Variants in NEK10 observed in about 807,000 individuals in gnomAD.
NEK10 encodes serine/threonine-protein kinase Nek10.
A neutral mutation model predicts 159.8 loss-of-function variants in NEK10; 122 were observed. The observed-to-expected ratio is 0.76, with a 90% CI of 0.66 to 0.89. The LOEUF (loss-of-function observed/expected upper bound fraction) is 0.89. Ranked by LOEUF, NEK10 falls within the 40% of genes least tolerant of loss-of-function variation. The pLI, the probability that NEK10 is intolerant of heterozygous loss-of-function variation, is 0.00. For synonymous variants in NEK10, 466 were observed against 457.1 expected (o/e 1.02, Z -0.25); for missense variants, 1,342 against 1,323.1 (o/e 1.01, Z -0.22).
chr3:27,167,009 C>A (rs951826954), intron 29 of NEK10, among the ~76,000 whole-genome samples: 1 of 152,040 alleles, frequency 6.6e-6, no homozygotes, highest in African/African-American at 2.4e-5. Context: ...TACAATTATG[C>A]ATACACTGAT....
chr3:27,293,199 T>G (rs1181630946), intron 16 of NEK10, among the ~76,000 whole-genome samples: 3 of 151,632 alleles, frequency 2.0e-5, no homozygotes, highest in Non-Finnish European at 4.4e-5. Flanking sequence ...TTAAATTCCC[T>G]TTGATTAAAG....
At chr3:27,198,008 G>T (rs1949711696) in intron 25 of NEK10, among the ~76,000 whole-genome samples, 1 of 152,046 alleles carries the variant, frequency 6.6e-6, no homozygotes, top group Non-Finnish European at 1.5e-5. Context: ...CCAAGAGCCA[G>T]ATCAGGCATG....
intron 26 of NEK10, among the ~76,000 whole-genome samples, chr3:27,183,650 T>C (rs943221188): frequency 4.6e-5 from 7 of 152,016 alleles, no homozygotes; most frequent in African/African-American, 1.2e-4. Flanking sequence ...AGGCAAGCCA[T>C]AGACTATACA....
chr3:27,322,958 T>G (rs1290081657), intron 5 of NEK10, among the ~76,000 whole-genome samples: 1 of 152,190 alleles, frequency 6.6e-6, no homozygotes, highest in Non-Finnish European at 1.5e-5. Flanking sequence ...TGAAAATACC[T>G]CACAGTGTCC....
chr3:27,162,463 T>A (rs758311768), intron 30 of NEK10: 1 of 1,614,102 alleles, frequency 6.2e-7, no homozygotes, highest in Non-Finnish European at 8.5e-7. Flanking sequence ...AGTACTACCA[T>A]GATCTTTGAG....
rs144218798 is a variant in NEK10, at chr3:27,215,823, C to T, written c.2091-13266G>A. 495 of 717,500 alleles carry T rather than the reference C, an allele frequency of 6.9e-4. 7 individuals are homozygous for T. In the East Asian group the frequency reaches 0.012, roughly 17 times the overall value. 44.4% of individuals were successfully genotyped at this position (717,500 alleles called of 1,614,324 possible). A position where few individuals can be genotyped will look rare whatever the true frequency, so the allele number is the denominator to read the frequency against. ...TGATAGCAGAAGGCAAAGGAGGAGC[C>T]AGCACGTTTTATGTGGCCAGAGCAG... On this transcript the variant is annotated intron_variant, in intron 23 of 35. Transcript: ENST00000691995.
chr3:27,345,826 T>A (rs551211951), intron 4 of NEK10, among the ~76,000 whole-genome samples: 103 of 152,330 alleles, frequency 6.8e-4, no homozygotes, highest in African/African-American at 2.5e-3. Flanking sequence ...CTGGAACCAC[T>A]TCCTCATTGA....
intron 23 of NEK10, among the ~76,000 whole-genome samples, chr3:27,240,265 C>T (rs527841344): frequency 1.9e-4 from 29 of 152,076 alleles, no homozygotes; most frequent in African/African-American, 6.7e-4. Flanking sequence ...TGAAATTTCT[C>T]ATTATACATC....
intron 26 of NEK10, among the ~76,000 whole-genome samples, chr3:27,190,419 GC>G (rs746323296): frequency 6.6e-6 from 1 of 152,160 alleles, no homozygotes; most frequent in Non-Finnish European, 1.5e-5. Flanking sequence ...GCCCTTAATA[GC>G]TAACTGTTGA....
chr3:27,364,418 G>C (rs1325280701), intron 1 of NEK10, among the ~76,000 whole-genome samples: 1 of 149,652 alleles, frequency 6.7e-6, no homozygotes. Flanking sequence ...AGTAGAGACG[G>C]GGTTTCACCA....
At chr3:27,228,121 T>C (rs562697780) in intron 23 of NEK10, among the ~76,000 whole-genome samples, 1 of 152,348 alleles carries the variant, frequency 6.6e-6, no homozygotes, top group South Asian at 2.1e-4. Context: ...ATATTAATCA[T>C]TATCTTGCTA....
At chr3:27,251,497 T>C (rs887335503) in intron 23 of NEK10, among the ~76,000 whole-genome samples, 4 of 152,276 alleles carry the variant, frequency 2.6e-5, no homozygotes, top group Non-Finnish European at 5.9e-5. Flanking sequence ...ACTTCCCCTC[T>C]CCTGCTCCTG....
intron 23 of NEK10, among the ~76,000 whole-genome samples, chr3:27,214,204 T>A (rs1159668970): frequency 6.6e-6 from 1 of 152,228 alleles, no homozygotes; most frequent in African/African-American, 2.4e-5. Context: ...ATACCTTACG[T>A]ATGTTGATTG....
At chr3:27,312,759 A>G (rs1462927690) in intron 7 of NEK10, among the ~76,000 whole-genome samples, 1 of 152,188 alleles carries the variant, frequency 6.6e-6, no homozygotes, top group Non-Finnish European at 1.5e-5. Context: ...AATGGATAAG[A>G]AGATGCTTTG....
chr3:27,324,850 C>T (rs1371974177), intron 5 of NEK10, among the ~76,000 whole-genome samples: 3 of 152,192 alleles, frequency 2.0e-5, no homozygotes, highest in East Asian at 3.9e-4. Flanking sequence ...CTCCCCATTA[C>T]ACCTCTGGCC....
chr3:27,329,973 A>G (rs2046281847), intron 5 of NEK10, among the ~76,000 whole-genome samples: 1 of 152,222 alleles, frequency 6.6e-6, no homozygotes, highest in Non-Finnish European at 1.5e-5. Context: ...ACCTACACAT[A>G]TTCTCACATG....
In NEK10 at chr3:27,295,621, G is replaced by A; in HGVS notation, c.1300C>T (p.Leu434=). Residue 434 remains leucine, a synonymous_variant, in exon 15 of 36, where the codon CTA becomes TTA. Transcript: ENST00000691995. ...AGAGACATGTTTATTACCTGTAATA[G>A]ATTACTTTTTGCTGCATTCTTTTGC... ...NKQKNAAKSN[L]LQCYAFRALR... The A allele has an allele frequency of 6.4e-7, 1 of 1,562,666 alleles. No individual in the cohort carries two copies. The highest frequency in any genetic ancestry group is 8.7e-7 in the Non-Finnish European group (1 of 1,151,074).
intron 23 of NEK10, among the ~76,000 whole-genome samples, chr3:27,209,166 A>G (rs1442982622): frequency 6.6e-6 from 1 of 152,266 alleles, no homozygotes; most frequent in South Asian, 2.1e-4. Flanking sequence ...GTTGAAAAAT[A>G]TGCTAAAAAA....
intron 25 of NEK10, among the ~76,000 whole-genome samples, chr3:27,199,114 G>C (rs923446238): frequency 6.6e-6 from 1 of 151,162 alleles, no homozygotes; most frequent in African/African-American, 2.4e-5. Flanking sequence ...TGACAAGTGG[G>C]ATTTAATTAA....
Sources: gnomAD v4.1 joint callset for allele counts (sites outside exome capture counted in the v4.1 genomes callset) on GRCh38, gnomAD v4.1.1 for gene constraint, MANE v1.5 for transcripts, NCBI Gene and HGNC (gene_info 2026-07-23, HGNC 2026-07-21) for gene names.